Variants in KCNIP4 observed in about 807,000 individuals in gnomAD.
KCNIP4 encodes the protein Kv channel-interacting protein 4.
Under a neutral mutation model 34.0 loss-of-function variants are expected in KCNIP4, and 12 were observed. The observed-to-expected ratio is 0.35, with a 90% CI of 0.23 to 0.57. KCNIP4 has a LOEUF of 0.57. Among genes scored for constraint, KCNIP4 ranks in the 20% least tolerant of loss-of-function variants. KCNIP4 has a pLI of 0.83. For synonymous variants in KCNIP4, 124 were observed against 102.2 expected, an observed-to-expected ratio of 1.21 and a Z score of -1.29; for missense variants, 238 against 311.7, an observed-to-expected ratio of 0.76 and a Z score of 1.78.
chr4:20,798,457 C>A (rs1231357722), intron 3 of KCNIP4, among the ~76,000 whole-genome samples: 2 of 152,026 alleles, frequency 1.3e-5, no homozygotes, highest in African/African-American at 4.8e-5. Context: ...GTGACATCAA[C>A]AAGATGGCTA....
At chr4:21,239,056 T>C (rs529915932) in intron 1 of KCNIP4, among the ~76,000 whole-genome samples, 1 of 152,024 alleles carries the variant, frequency 6.6e-6, no homozygotes, top group Admixed American at 6.5e-5. Flanking sequence ...AACAGAGCCC[T>C]CAGAAATAAT....
intron 1 of KCNIP4, among the ~76,000 whole-genome samples, chr4:21,600,807 A>G (rs1369049787): frequency 2.0e-5 from 3 of 152,006 alleles, no homozygotes; most frequent in Non-Finnish European, 2.9e-5. Flanking sequence ...TCCATCATGA[A>G]TACTTGTGTA....
At chr4:21,026,506 T>C in intron 1 of KCNIP4, among the ~76,000 whole-genome samples, 1 of 151,962 alleles carries the variant, frequency 6.6e-6, no homozygotes, top group East Asian at 1.9e-4. Context: ...ATATAAAAAT[T>C]AGCCAGGTGT....
intron 1 of KCNIP4, among the ~76,000 whole-genome samples, chr4:21,615,311 C>T (rs893894157): frequency 1.3e-4 from 19 of 151,486 alleles, no homozygotes; most frequent in South Asian, 2.1e-4. Context: ...GAGGCTGAGG[C>T]GGGCGGATCA....
At chr4:20,874,560 A>G (rs1442419366) in intron 2 of KCNIP4, among the ~76,000 whole-genome samples, 2 of 152,108 alleles carry the variant, frequency 1.3e-5, no homozygotes, top group Admixed American at 1.3e-4. Context: ...GCTTTCCTAT[A>G]CTAAAACCTG....
rs758986780 is a variant in KCNIP4 at position 21,250,112 on chromosome 4, A to ATTTC, written c.62-367407_62-367404dup. Reference sequence around the variant, plus strand: ...CTGTTCAGAAAGGGAGGAGGATCTCATTTCTTTCTTTTTTTTTTTCCCCCA... The same window carrying ATTTC: ...CTGTTCAGAAAGGGAGGAGGATCTCATTTCTTTCTTTCTTTTTTTTTTTCCCCCA... On this transcript the variant is annotated intron_variant, in intron 1 of 8. Coordinates refer to ENST00000382152, the MANE Select transcript of KCNIP4 (RefSeq NM_025221.6). Among the ~76,000 whole-genome samples the ATTTC allele has an allele frequency of 2.3e-3, 285 of 126,110 alleles. 4 individuals carry two copies. Among genetic ancestry groups the ATTTC allele is most frequent in the African/African-American group, 0.012 (251 of 21,474 alleles). 82.7% of individuals were successfully genotyped at this position (126,110 alleles called of 152,430 possible). A position where few individuals can be genotyped will look rare whatever the true frequency, so the allele number is the denominator to read the frequency against.
chr4:20,789,666 G>T (rs551709109), intron 3 of KCNIP4, among the ~76,000 whole-genome samples: 1 of 151,802 alleles, frequency 6.6e-6, no homozygotes, highest in East Asian at 1.9e-4. Context: ...GCTGCTCTCA[G>T]GACATCATCT....
At chr4:21,091,433 G>A (rs1746987984) in intron 1 of KCNIP4, among the ~76,000 whole-genome samples, 1 of 152,142 alleles carries the variant, frequency 6.6e-6, no homozygotes, top group South Asian at 2.1e-4. Context: ...TAATTTCATG[G>A]AGATTTCATA....
intron 1 of KCNIP4, among the ~76,000 whole-genome samples, chr4:21,798,107 C>A (rs1214339419): frequency 6.8e-6 from 1 of 146,892 alleles, no homozygotes; most frequent in Middle Eastern, 3.4e-3. Flanking sequence ...AGATGTTGCA[C>A]TTAAATATAT....
chr4:21,201,648 G>C (rs1836088), intron 1 of KCNIP4, among the ~76,000 whole-genome samples: 1 of 152,022 alleles, frequency 6.6e-6, no homozygotes, highest in Admixed American at 6.6e-5. Context: ...ACAGTTGCCC[G>C]CCACCATGCC....
At chr4:21,618,015 C>T (rs1053375838) in intron 1 of KCNIP4, among the ~76,000 whole-genome samples, 3 of 152,116 alleles carry the variant, frequency 2.0e-5, no homozygotes, top group East Asian at 1.9e-4. Flanking sequence ...TTAGAAGGGA[C>T]ATGTTGTCCA....
At chr4:21,325,273 T>A (rs1479525031) in intron 1 of KCNIP4, among the ~76,000 whole-genome samples, 1 of 151,852 alleles carries the variant, frequency 6.6e-6, no homozygotes, top group Non-Finnish European at 1.5e-5. Context: ...ATCTTTGATC[T>A]TGGTACTTGT....
At chr4:21,620,555 T>A (rs1744933652) in intron 1 of KCNIP4, among the ~76,000 whole-genome samples, 1 of 152,092 alleles carries the variant, frequency 6.6e-6, no homozygotes, top group African/African-American at 2.4e-5. Context: ...AAAATATTAT[T>A]AGAGTTTTAC....
intron 1 of KCNIP4, among the ~76,000 whole-genome samples, chr4:21,298,849 G>A (rs570563282): frequency 2.8e-4 from 42 of 152,208 alleles, no homozygotes; most frequent in African/African-American, 1.0e-3. Context: ...TCCAAGAAAG[G>A]CTTGTGGAAA....
At chr4:21,417,363 G>A (rs183529478) in intron 1 of KCNIP4, among the ~76,000 whole-genome samples, 1 of 151,220 alleles carries the variant, frequency 6.6e-6, no homozygotes, top group Non-Finnish European at 1.5e-5. Flanking sequence ...AAGGGACTTA[G>A]GTAAAGGTGG....
At chr4:21,325,396 C>T (rs949760852) in intron 1 of KCNIP4, among the ~76,000 whole-genome samples, 2 of 151,692 alleles carry the variant, frequency 1.3e-5, no homozygotes, top group Non-Finnish European at 3.0e-5. Flanking sequence ...TATAGTTGCT[C>T]ATAGTAGCCT....
intron 1 of KCNIP4, among the ~76,000 whole-genome samples, chr4:21,756,005 A>G (rs1375931434): frequency 1.3e-5 from 2 of 152,198 alleles, no homozygotes; most frequent in Non-Finnish European, 2.9e-5. Context: ...ACACATTTTT[A>G]ATTTTATCAG....
chr4:20,955,958 C>G (rs1733260362), intron 1 of KCNIP4, among the ~76,000 whole-genome samples: 1 of 152,202 alleles, frequency 6.6e-6, no homozygotes, highest in Non-Finnish European at 1.5e-5. Flanking sequence ...CATTATTTCT[C>G]AGCAATGCTC....
chr4:21,870,907 A>G (rs1725753397), intron 1 of KCNIP4, among the ~76,000 whole-genome samples: 1 of 152,238 alleles, frequency 6.6e-6, no homozygotes, highest in South Asian at 2.1e-4. Flanking sequence ...CATGGATTAG[A>G]GTTAAGTATT....
Sources: allele counts gnomAD v4.1 joint callset (sites outside exome capture counted in the v4.1 genomes callset), GRCh38; gene constraint gnomAD v4.1.1; transcripts MANE v1.5; gene names NCBI Gene and HGNC (gene_info 2026-07-23, HGNC 2026-07-21).